The following ATP8B4 variants were observed in gnomAD, a reference collection of about 807,000 sequenced individuals.
ATP8B4 encodes probable phospholipid-transporting ATPase IM.
A neutral mutation model predicts 145.6 loss-of-function variants in ATP8B4; 133 were observed. That is an observed-to-expected ratio of 0.91 (90% CI 0.79 to 1.05). ATP8B4 has a LOEUF of 1.05. Among genes scored for constraint, ATP8B4 ranks in the 50% least tolerant of loss-of-function variants. The pLI, the probability that ATP8B4 is intolerant of heterozygous loss-of-function variation, is 0.00. For missense variants in ATP8B4, 1,458 were observed against 1,425.2 expected (o/e 1.02, Z -0.37); for synonymous variants, 507 against 492.9 (o/e 1.03, Z -0.38).
rs998036065 is a variant in ATP8B4 at position 49,901,099 on chromosome 15, T to C, written c.2282A>G (p.His761Arg). The change falls in exon 21 of 28, where the codon CAC (histidine) becomes CGC (arginine). Residue 761 changes from histidine (H) to arginine (R), a missense_variant. Coordinates refer to ENST00000284509, the MANE Select transcript of ATP8B4 (RefSeq NM_024837.4). ...AACCTTAGGCAAACTCACCAAACTG[T>C]GGCCATTTATGATTAAGGCATAATC... Reference protein sequence around the residue: ...TGDYALIINGHSLAHALESDV... With the variant: ...TGDYALIINGRSLAHALESDV... The C allele has an allele frequency of 6.2e-7, 1 of 1,612,548 alleles. No individual in the cohort carries two copies. Among genetic ancestry groups the C allele is most frequent in the African/African-American group, 1.3e-5 (1 of 74,966 alleles).
chr15:50,177,944 G>A (rs1567421041), intron 1 of ATP8B4, among the ~76,000 whole-genome samples: 1 of 152,136 alleles, frequency 6.6e-6, no homozygotes, highest in African/African-American at 2.4e-5. Context: ...AACTTTGAAG[G>A]GGGTAGGGAA....
intron 12 of ATP8B4, among the ~76,000 whole-genome samples, chr15:49,976,213 A>G (rs111295933): frequency 6.6e-6 from 1 of 152,012 alleles, no homozygotes; most frequent in African/African-American, 2.4e-5. Context: ...TTATTTATTT[A>G]TATATTTTCA....
intron 2 of ATP8B4, among the ~76,000 whole-genome samples, chr15:50,078,484 G>A (rs181234340): frequency 4.0e-5 from 6 of 151,724 alleles, no homozygotes; most frequent in Admixed American, 6.6e-5. Context: ...TGGACAAGAC[G>A]AAAGAACAGA....
intron 14 of ATP8B4, among the ~76,000 whole-genome samples, chr15:49,945,858 T>C (rs1450498881): frequency 6.6e-6 from 1 of 152,104 alleles, no homozygotes; most frequent in Non-Finnish European, 1.5e-5. Context: ...CTTATCATAA[T>C]AAAGTCCATA....
intron 2 of ATP8B4, among the ~76,000 whole-genome samples, chr15:50,092,521 C>T (rs563823359): frequency 4.0e-5 from 6 of 151,732 alleles, no homozygotes; most frequent in African/African-American, 9.7e-5. Flanking sequence ...CACTAAAGAA[C>T]GGAAATATAT....
chr15:50,097,814 A>G (rs2153660697), intron 2 of ATP8B4, among the ~76,000 whole-genome samples: 1 of 152,306 alleles, frequency 6.6e-6, no homozygotes, highest in East Asian at 1.9e-4. Context: ...CCTAGAAATC[A>G]ATGAACTGTA....
chr15:49,989,182 A>C (rs931497953), intron 9 of ATP8B4, among the ~76,000 whole-genome samples: 2 of 152,110 alleles, frequency 1.3e-5, no homozygotes, highest in African/African-American at 4.8e-5. Flanking sequence ...AGTAAATTAA[A>C]ACTGATTTAA....
At chr15:50,034,828 C>T (rs1396794052) in intron 6 of ATP8B4, among the ~76,000 whole-genome samples, 1 of 152,152 alleles carries the variant, frequency 6.6e-6, no homozygotes, top group Admixed American at 6.5e-5. Context: ...CCTTCACCTG[C>T]CCAGTTGCTC....
At chr15:50,070,162 A>G (rs571256326) in intron 3 of ATP8B4, among the ~76,000 whole-genome samples, 3 of 152,254 alleles carry the variant, frequency 2.0e-5, no homozygotes, top group African/African-American at 7.2e-5. Context: ...ATCTTTATTA[A>G]TTATTATTAG....
At chr15:49,984,449 A>G (rs1425781378) in intron 10 of ATP8B4, among the ~76,000 whole-genome samples, 2 of 152,206 alleles carry the variant, frequency 1.3e-5, no homozygotes, top group Non-Finnish European at 2.9e-5. Context: ...TTAGTGCATT[A>G]ACCAAGGGCA....
rs1412042535 is a variant in ATP8B4 at position 49,934,099 on chromosome 15, A to G, written c.1371T>C (p.Ile457=). 6.2e-7 allele frequency: 1 copy of G among 1,612,886 alleles called. No individual in the cohort carries two copies. Among genetic ancestry groups the G allele is most frequent in the African/African-American group, 1.3e-5 (1 of 74,954 alleles). Residue 457 remains isoleucine, a synonymous_variant, in exon 15 of 28, where the codon ATT becomes ATC. Coordinates refer to ENST00000284509, the MANE Select transcript of ATP8B4 (RefSeq NM_024837.4). ...QFFDHHLMES[I]KMGDPKVHEF... ...CATGAACTTTGGGATCACCCATTTT[A>G]ATGGATTCCATCAGATGGTGGTCAA...
chr15:50,077,868 G>A (rs553593428), intron 2 of ATP8B4, among the ~76,000 whole-genome samples: 6 of 152,234 alleles, frequency 3.9e-5, no homozygotes, highest in African/African-American at 1.4e-4. Context: ...CCTGACTGGG[G>A]CCATTGTGGG....
chr15:50,132,052 TCA>T (rs57758146), intron 1 of ATP8B4, among the ~76,000 whole-genome samples: 150,162 of 151,998 alleles, frequency 0.99, 74,197 homozygotes, highest in Non-Finnish European at 1. Flanking sequence ...ATTATAGTAC[TCA>T]CACACACACT....
chr15:50,028,250 CTCTA>C (rs1343641217), intron 6 of ATP8B4, among the ~76,000 whole-genome samples: 3 of 152,184 alleles, frequency 2.0e-5, no homozygotes, highest in Non-Finnish European at 4.4e-5. Context: ...TGCTGTCTGC[CTCTA>C]TCTTTTCCTT....
At chr15:49,945,179 G>A (rs2042463471) in intron 14 of ATP8B4, among the ~76,000 whole-genome samples, 1 of 151,874 alleles carries the variant, frequency 6.6e-6, no homozygotes, top group Non-Finnish European at 1.5e-5. Flanking sequence ...AACCATGAGG[G>A]AAAGAAAAAA....
rs1059852 is a variant in ATP8B4 at position 49,859,066 on chromosome 15, G to T, written c.*1128C>A. The T allele has an allele frequency of 6.6e-6, 1 of 151,860 alleles. No individual in the cohort carries two copies. Among genetic ancestry groups the T allele is most frequent in the Non-Finnish European group, 1.5e-5 (1 of 67,934 alleles). 9.4% of individuals were successfully genotyped at this position (151,860 alleles called of 1,614,324 possible). A position where few individuals can be genotyped will look rare whatever the true frequency, so the allele number is the denominator to read the frequency against. On this transcript the variant is annotated 3_prime_UTR_variant, in exon 28 of 28. Transcript: ENST00000284509. ...CTGAGGTTTTCACACAAATATGCCCGAATCACTTTATGGAAAATACACTGA... is the reference window on the plus strand; with the variant it reads ...CTGAGGTTTTCACACAAATATGCCCTAATCACTTTATGGAAAATACACTGA...
intron 20 of ATP8B4, among the ~76,000 whole-genome samples, chr15:49,908,313 A>C (rs1373836893): frequency 6.6e-6 from 1 of 152,236 alleles, no homozygotes; most frequent in Non-Finnish European, 1.5e-5. Context: ...ACAAAGAAGC[A>C]CCAAGATAGA....
intron 1 of ATP8B4, among the ~76,000 whole-genome samples, chr15:50,162,801 C>G (rs1175948414): frequency 6.6e-6 from 1 of 152,150 alleles, no homozygotes; most frequent in African/African-American, 2.4e-5. Context: ...CCACCGCGCC[C>G]GGCCTCTTTT....
chr15:49,889,449 T>C (rs1278435554), intron 23 of ATP8B4, among the ~76,000 whole-genome samples: 1 of 152,226 alleles, frequency 6.6e-6, no homozygotes, highest in Non-Finnish European at 1.5e-5. Flanking sequence ...TTCTTTTCAC[T>C]GTACATCTCA....
Sources: gnomAD v4.1 joint callset for allele counts (sites outside exome capture counted in the v4.1 genomes callset) on GRCh38, gnomAD v4.1.1 for gene constraint, MANE v1.5 for transcripts, NCBI Gene and HGNC (gene_info 2026-07-23, HGNC 2026-07-21) for gene names.